CSPP1: variants seen among roughly 807,000 people sequenced by gnomAD.
CSPP1 encodes the protein centrosome and spindle pole associated protein 1, also known as centrosome and spindle pole-associated protein 1.
A neutral mutation model predicts 164.4 loss-of-function variants in CSPP1; 126 were observed. The ratio of observed to expected loss-of-function variants is 0.77; its 90% CI spans 0.66 to 0.89. The LOEUF is 0.89. Ranked by LOEUF, CSPP1 falls within the 40% of genes least tolerant of loss-of-function variation. The pLI is 0.00. For missense variants in CSPP1, 1,395 were observed against 1,449.8 expected, an observed-to-expected ratio of 0.96 and a Z score of 0.61; for synonymous variants, 472 against 476.7, an observed-to-expected ratio of 0.99 and a Z score of 0.13.
chr8:67,098,820 C>G (rs1813402415), intron 7 of CSPP1, among the ~76,000 whole-genome samples: 1 of 151,572 alleles, frequency 6.6e-6, no homozygotes. Context: ...TTCTTAATAC[C>G]CAAAGAAACC....
intron 3 of CSPP1, among the ~76,000 whole-genome samples, chr8:67,080,521 A>G (rs1441902806): frequency 6.6e-6 from 1 of 152,210 alleles, no homozygotes; most frequent in Non-Finnish European, 1.5e-5. Flanking sequence ...AGTTGGACCA[A>G]ACTTCACAGG....
At chr8:67,073,679 G>GAC (rs931265209) in intron 1 of CSPP1, among the ~76,000 whole-genome samples, 1 of 152,084 alleles carries the variant, frequency 6.6e-6, no homozygotes, top group Non-Finnish European at 1.5e-5. Context: ...CAATTCTTAA[G>GAC]ACACACACAC....
chr8:67,181,548 T>G (rs543558994), intron 28 of CSPP1, among the ~76,000 whole-genome samples: 1 of 152,120 alleles, frequency 6.6e-6, no homozygotes, highest in African/African-American at 2.4e-5. Context: ...GATACAGCAG[T>G]ATTTATGGTT....
chr8:67,189,554 A>G (rs559814490), intron 28 of CSPP1, among the ~76,000 whole-genome samples: 1 of 152,368 alleles, frequency 6.6e-6, no homozygotes, highest in African/African-American at 2.4e-5. Context: ...CCCATACAGT[A>G]TACATTTGGA....
chr8:67,064,370 G>C, upstream of CSPP1: 1 of 1,607,868 alleles, frequency 6.2e-7, no homozygotes, highest in Non-Finnish European at 8.5e-7. Context: ...CTGGGCCTGA[G>C]GGGCGGAGCC....
chr8:67,149,847 T>C lies in CSPP1; in HGVS notation c.2040T>C (p.Tyr680=). ...DAYHNPDART[Y]EDKRAVVSLD... ...ACCATAACCCAGATGCAAGAACATA[T>C]GAAGATAAAAGGGCTGTTGTATCTC... Residue 680 remains tyrosine (Y), a synonymous_variant, in exon 18 of 31, where the codon TAT becomes TAC. Coordinates refer to ENST00000678616, the MANE Select transcript of CSPP1 (RefSeq NM_001382391.1). 4 of 1,608,194 alleles carry C rather than the reference T, an allele frequency of 2.5e-6. No individual in the cohort carries two copies. The highest frequency in any genetic ancestry group is 3.4e-6 in the Non-Finnish European group (4 of 1,177,548).
intron 27 of CSPP1, among the ~76,000 whole-genome samples, chr8:67,179,120 A>T (rs1832381517): frequency 6.6e-6 from 1 of 152,148 alleles, no homozygotes. Context: ...AGGTGCAGGG[A>T]GGTGGAGTTG....
chr8:67,091,511 A>AT (rs1333710279), intron 4 of CSPP1, among the ~76,000 whole-genome samples: 1 of 152,066 alleles, frequency 6.6e-6, no homozygotes, highest in African/African-American at 2.4e-5. Flanking sequence ...AAATTGGGAA[A>AT]TTTTTTTTCA....
intron 17 of CSPP1, among the ~76,000 whole-genome samples, chr8:67,143,955 A>G (rs1311396565): frequency 1.3e-5 from 2 of 152,096 alleles, no homozygotes; most frequent in Non-Finnish European, 2.9e-5. Context: ...TGCCTTTTAC[A>G]CTGTTTAAGA....
chr8:67,087,912 C>A (rs568402033), intron 4 of CSPP1, among the ~76,000 whole-genome samples: 1 of 152,164 alleles, frequency 6.6e-6, no homozygotes, highest in African/African-American at 2.4e-5. Flanking sequence ...GATTTCCTCG[C>A]GCTAATTTTC....
intron 13 of CSPP1, among the ~76,000 whole-genome samples, 181 bp from the exon 14 acceptor site, chr8:67,118,067 C>A (rs1036430256): frequency 3.7e-4 from 56 of 151,938 alleles, no homozygotes; most frequent in African/African-American, 1.3e-3. Flanking sequence ...TTGTGAAATC[C>A]TATGTAATAG....
At chr8:67,129,845 G>C (rs766194139) in intron 15 of CSPP1, among the ~76,000 whole-genome samples, 12 of 152,148 alleles carry the variant, frequency 7.9e-5, no homozygotes, top group African/African-American at 2.9e-4. Context: ...TGGGGCTGAG[G>C]GTTGAGTAGG....
intron 9 of CSPP1, among the ~76,000 whole-genome samples, chr8:67,106,587 A>G (rs1335133473): frequency 1.3e-5 from 2 of 152,016 alleles, no homozygotes; most frequent in Admixed American, 1.3e-4. Context: ...TAAATTTTCT[A>G]TTTATTGGAA....
Position 67,081,397 on chromosome 8 carries a change from A to C in CSPP1, c.200-4610A>C, listed in dbSNP as rs946831853. Among the ~76,000 whole-genome samples the C allele has an allele frequency of 9.2e-5, 14 of 152,004 alleles. No individual in the cohort carries two copies. The East Asian group carries it at 1.7e-3, about 19-fold the overall frequency. On this transcript the variant is annotated intron_variant, in intron 3 of 30. Coordinates refer to ENST00000678616, the MANE Select transcript of CSPP1 (RefSeq NM_001382391.1). Reference sequence around the variant, plus strand: ...TTTTTCTTTTCCAAGCCAATTTTTTAATTACACATAGGATGTACATGATTT... The same window carrying C: ...TTTTTCTTTTCCAAGCCAATTTTTTCATTACACATAGGATGTACATGATTT...
chr8:67,182,581 T>C (rs1833326460), intron 28 of CSPP1, among the ~76,000 whole-genome samples: 1 of 152,270 alleles, frequency 6.6e-6, no homozygotes, highest in Admixed American at 6.5e-5. Context: ...CCACAGCAGC[T>C]GTACCATTTT....
In CSPP1 at chr8:67,173,333, A is replaced by G. The variant is rs540583129; in HGVS notation, c.2968+778A>G. Reference sequence around the variant, plus strand: ...ATGGAAGAGAAAGTTTAGTAAGGAAACGAGATTTCCAGGGTACATGAGGCC... The same window carrying G: ...ATGGAAGAGAAAGTTTAGTAAGGAAGCGAGATTTCCAGGGTACATGAGGCC... On this transcript the variant is annotated intron_variant, in intron 25 of 30. Transcript: ENST00000678616. Among the ~76,000 whole-genome samples the G allele has an allele frequency of 3.3e-5, 5 of 152,246 alleles. No homozygotes were observed. In the Middle Eastern group the frequency reaches 0.01, roughly 311 times the overall value.
chr8:67,176,250 T>C (rs1831597006), intron 26 of CSPP1, among the ~76,000 whole-genome samples: 1 of 152,068 alleles, frequency 6.6e-6, no homozygotes, highest in Non-Finnish European at 1.5e-5. Context: ...AACCCAACAA[T>C]CAGATAACAA....
chr8:67,136,468 C>G (rs1213901424), intron 16 of CSPP1, among the ~76,000 whole-genome samples: 3 of 145,300 alleles, frequency 2.1e-5, no homozygotes, highest in Non-Finnish European at 4.5e-5. Flanking sequence ...ACTCTGGAGG[C>G]TGGGGCAGGA....
At chr8:67,093,942 G>A (rs1221343398) in intron 6 of CSPP1, among the ~76,000 whole-genome samples, 1 of 151,352 alleles carries the variant, frequency 6.6e-6, no homozygotes, top group African/African-American at 2.4e-5. Context: ...TCCTAGCTAT[G>A]TTTGTTTTTT....
Sources: allele counts gnomAD v4.1 joint callset (sites outside exome capture counted in the v4.1 genomes callset), GRCh38; gene constraint gnomAD v4.1.1; transcripts MANE v1.5; gene names NCBI Gene and HGNC (gene_info 2026-07-23, HGNC 2026-07-21).